Variants in TMEM132D observed in about 807,000 individuals in gnomAD.
TMEM132D encodes the protein transmembrane protein 132D.
TMEM132D carries 21 observed loss-of-function variants against 62.3 expected under a neutral mutation model. The ratio of observed to expected loss-of-function variants is 0.34; its 90% confidence interval spans 0.24 to 0.49. TMEM132D has a LOEUF of 0.49. Among genes scored for constraint, TMEM132D ranks in the 20% least tolerant of loss-of-function variants. The pLI, the probability that TMEM132D is intolerant of heterozygous loss-of-function variation, is 0.99. For synonymous variants in TMEM132D, 621 were observed against 575.6 expected (o/e 1.08, Z -1.13); for missense variants, 1,346 against 1,402.8 (o/e 0.96, Z 0.65).
intron 3 of TMEM132D, among the ~76,000 whole-genome samples, chr12:129,442,920 C>CA (rs1467079923): frequency 4.6e-5 from 7 of 152,088 alleles, no homozygotes; most frequent in Admixed American, 4.6e-4. Context: ...CGGTGGCTGA[C>CA]AACCTCTGAA....
chr12:129,246,266 A>T (rs1384102538), intron 4 of TMEM132D, among the ~76,000 whole-genome samples: 1 of 152,206 alleles, frequency 6.6e-6, no homozygotes, highest in Non-Finnish European at 1.5e-5. Flanking sequence ...ATGAGGAAAC[A>T]GAGGCAATAC....
At chr12:129,324,387 G>A (rs1330610820) in intron 4 of TMEM132D, among the ~76,000 whole-genome samples, 1 of 152,172 alleles carries the variant, frequency 6.6e-6, no homozygotes, top group Non-Finnish European at 1.5e-5. Flanking sequence ...TTGCCATTTG[G>A]TGCCTGCCTG....
chr12:129,810,019 T>C (rs751092533), intron 1 of TMEM132D, among the ~76,000 whole-genome samples: 17 of 151,978 alleles, frequency 1.1e-4, no homozygotes, highest in South Asian at 2.1e-4. Flanking sequence ...CACGTATAAT[T>C]AGGAGGAGGA....
chr12:129,188,038 C>A (rs575887661), intron 5 of TMEM132D, among the ~76,000 whole-genome samples: 1 of 152,232 alleles, frequency 6.6e-6, no homozygotes, highest in Non-Finnish European at 1.5e-5. Flanking sequence ...CTGACAGCAA[C>A]AATGGCTGCA....
At chr12:129,472,372 G>A (rs1380029665) in intron 3 of TMEM132D, among the ~76,000 whole-genome samples, 1 of 152,172 alleles carries the variant, frequency 6.6e-6, no homozygotes, top group African/African-American at 2.4e-5. Flanking sequence ...CTCATAAGTG[G>A]GAGTTGAGCA....
At chr12:129,161,887 T>C (rs1054672059) in intron 5 of TMEM132D, among the ~76,000 whole-genome samples, 1 of 152,146 alleles carries the variant, frequency 6.6e-6, no homozygotes, top group Non-Finnish European at 1.5e-5. Flanking sequence ...TTTAAAATCA[T>C]ATCGAAATGT....
intron 4 of TMEM132D, among the ~76,000 whole-genome samples, chr12:129,321,692 G>A (rs1258157416): frequency 6.6e-6 from 1 of 152,100 alleles, no homozygotes; most frequent in Non-Finnish European, 1.5e-5. Context: ...CCGACTAGCT[G>A]GGACTACAGG....
intron 1 of TMEM132D, among the ~76,000 whole-genome samples, chr12:129,842,320 C>T (rs1307674681): frequency 6.6e-6 from 1 of 152,008 alleles, no homozygotes; most frequent in African/African-American, 2.4e-5. Flanking sequence ...GTGATGGAGA[C>T]CCCTGGGGAC....
At chr12:129,847,930 G>A (rs150603873) in intron 1 of TMEM132D, among the ~76,000 whole-genome samples, 10 of 152,168 alleles carry the variant, frequency 6.6e-5, no homozygotes, top group South Asian at 2.1e-4. Flanking sequence ...CCACCTGCCC[G>A]CAGTAGTGTT....
At chr12:129,112,434 G>C (rs1875747447) in intron 5 of TMEM132D, among the ~76,000 whole-genome samples, 1 of 152,194 alleles carries the variant, frequency 6.6e-6, no homozygotes, top group South Asian at 2.1e-4. Flanking sequence ...GGCCAAGGCG[G>C]ACGGATCATC....
At chr12:129,303,939 G>T (rs959635661) in intron 4 of TMEM132D, among the ~76,000 whole-genome samples, 1 of 152,120 alleles carries the variant, frequency 6.6e-6, no homozygotes, top group Non-Finnish European at 1.5e-5. Context: ...GAAGACAGAG[G>T]GGAAATTCAC....
At chr12:129,275,692 C>T (rs532043761) in intron 4 of TMEM132D, among the ~76,000 whole-genome samples, 1 of 152,334 alleles carries the variant, frequency 6.6e-6, no homozygotes, top group South Asian at 2.1e-4. Flanking sequence ...TCTGGCTTCT[C>T]CCGGGCTCAG....
At chr12:129,802,154 C>A (rs977135258) in intron 1 of TMEM132D, among the ~76,000 whole-genome samples, 25 of 151,666 alleles carry the variant, frequency 1.6e-4, no homozygotes, top group African/African-American at 6.1e-4. Context: ...TTTAGCAAGG[C>A]AGGCCAACAT....
chr12:129,860,576 C>T (rs1019389418), intron 1 of TMEM132D, among the ~76,000 whole-genome samples: 7 of 152,144 alleles, frequency 4.6e-5, no homozygotes, highest in African/African-American at 1.7e-4. Flanking sequence ...TACATATGTG[C>T]GTATATATAT....
chr12:129,617,507 G>T (rs1414914742), intron 2 of TMEM132D, among the ~76,000 whole-genome samples: 1 of 152,170 alleles, frequency 6.6e-6, no homozygotes, highest in Non-Finnish European at 1.5e-5. Context: ...CTGTTCCGGG[G>T]GCTGGAAGTT....
intron 5 of TMEM132D, among the ~76,000 whole-genome samples, chr12:129,176,074 G>C (rs1458538502): frequency 6.6e-6 from 1 of 152,140 alleles, no homozygotes; most frequent in African/African-American, 2.4e-5. Flanking sequence ...GCCACTGAGG[G>C]GGCTTATGTT....
chr12:129,765,295 G>A (rs549940050), intron 1 of TMEM132D, among the ~76,000 whole-genome samples: 33 of 152,194 alleles, frequency 2.2e-4, no homozygotes, highest in South Asian at 1.9e-3. Flanking sequence ...GGTCAGGTGC[G>A]GTGGCTCATG....
At chr12:129,086,201 C>CGCGTGTGTGTGTGT (rs1349816832) in intron 5 of TMEM132D, among the ~76,000 whole-genome samples, 19 of 141,134 alleles carry the variant, frequency 1.3e-4, no homozygotes, top group South Asian at 4.4e-4. Context: ...CACGCGCGCG[C>CGCGTGTGTGTGTGT]GTGTGTGTGT....
intron 5 of TMEM132D, among the ~76,000 whole-genome samples, chr12:129,193,298 C>T (rs891488250): frequency 2.0e-5 from 3 of 152,040 alleles, no homozygotes; most frequent in African/African-American, 4.8e-5. Flanking sequence ...TTTAATGCAG[C>T]TGTTGCCAAT....
Sources: allele counts gnomAD v4.1 joint callset (sites outside exome capture counted in the v4.1 genomes callset), GRCh38; gene constraint gnomAD v4.1.1; transcripts MANE v1.5; gene names NCBI Gene and HGNC (gene_info 2026-07-23, HGNC 2026-07-21).